The following RIT2 variants were observed in gnomAD, a reference collection of about 807,000 sequenced individuals.
The protein encoded by RIT2 is GTP-binding protein Rit2.
RIT2 carries 24 observed loss-of-function variants against 23.7 expected under a neutral mutation model. The ratio of observed to expected loss-of-function variants is 1.01; its 90% CI spans 0.73 to 1.43. RIT2 has a LOEUF of 1.43. Among genes scored for constraint, RIT2 ranks in the 40% most tolerant of loss-of-function variants. The pLI is 0.00. For synonymous variants in RIT2, 107 were observed against 91.1 expected (o/e 1.17, Z -0.99); for missense variants, 236 against 266.9 (o/e 0.88, Z 0.81).
chr18:42,791,709 C>T (rs546311236), intron 4 of RIT2, among the ~76,000 whole-genome samples: 5 of 152,234 alleles, frequency 3.3e-5, no homozygotes, highest in Non-Finnish European at 4.4e-5. Flanking sequence ...TTGTGGTAAA[C>T]GTTTGCTGAT....
intron 4 of RIT2, among the ~76,000 whole-genome samples, chr18:42,895,549 A>G (rs1051709408): frequency 6.6e-6 from 1 of 152,216 alleles, no homozygotes; most frequent in African/African-American, 2.4e-5. Context: ...TCAACATTAA[A>G]GTTACAGTAC....
intron 1 of RIT2, among the ~76,000 whole-genome samples, chr18:43,058,553 T>G (rs1872540400): frequency 6.6e-6 from 1 of 152,114 alleles, no homozygotes; most frequent in Non-Finnish European, 1.5e-5. Context: ...GAATCACTCA[T>G]AAACATCACA....
chr18:42,851,943 G>A (rs973597173), intron 4 of RIT2, among the ~76,000 whole-genome samples: 22 of 152,176 alleles, frequency 1.4e-4, no homozygotes, highest in African/African-American at 5.3e-4. Flanking sequence ...CTGAAGAGGC[G>A]ACAGTTTGCA....
intron 4 of RIT2, among the ~76,000 whole-genome samples, chr18:42,898,837 C>T (rs1304880451): frequency 6.6e-6 from 1 of 152,020 alleles, no homozygotes; most frequent in East Asian, 1.9e-4. Context: ...TAGACTCCTC[C>T]AATGTTTTCT....
At chr18:42,795,688 G>A (rs1905329434) in intron 4 of RIT2, among the ~76,000 whole-genome samples, 1 of 152,266 alleles carries the variant, frequency 6.6e-6, no homozygotes, top group Non-Finnish European at 1.5e-5. Context: ...AGCCAGCTGG[G>A]GTCCTGAGTC....
At chr18:43,060,920 A>G (rs183880956) in intron 1 of RIT2, among the ~76,000 whole-genome samples, 398 of 152,190 alleles carry the variant, frequency 2.6e-3, no homozygotes, top group Non-Finnish European at 4.8e-3. Context: ...GAGAGCAGAT[A>G]CCCCGTATTT....
intron 4 of RIT2, among the ~76,000 whole-genome samples, chr18:42,770,008 C>A: frequency 6.6e-6 from 1 of 151,802 alleles, no homozygotes; most frequent in East Asian, 1.9e-4. Context: ...ACAGTCGTGG[C>A]TGAGATTCCT....
chr18:42,814,856 A>T (rs1453346690), intron 4 of RIT2, among the ~76,000 whole-genome samples: 1 of 152,188 alleles, frequency 6.6e-6, no homozygotes, highest in African/African-American at 2.4e-5. Context: ...AGGTGCTGGT[A>T]TACCACCCCC....
intron 4 of RIT2, among the ~76,000 whole-genome samples, chr18:42,766,702 A>G (rs961715779): frequency 6.6e-6 from 1 of 152,224 alleles, no homozygotes; most frequent in African/African-American, 2.4e-5. Flanking sequence ...GCCATGTCAG[A>G]GACCTTCAGG....
At chr18:43,003,682 G>C (rs934198038) in intron 2 of RIT2, among the ~76,000 whole-genome samples, 2 of 151,170 alleles carry the variant, frequency 1.3e-5, no homozygotes, top group Admixed American at 6.6e-5. Context: ...TGGATGACTT[G>C]ATAGTAAAAC....
intron 2 of RIT2, among the ~76,000 whole-genome samples, chr18:42,990,279 G>A (rs1260119516): frequency 2.6e-5 from 4 of 152,010 alleles, no homozygotes; most frequent in African/African-American, 7.2e-5. Context: ...GCTTTTTAAG[G>A]TCTTCAATGG....
At chr18:42,991,236 A>T (rs895525682) in intron 2 of RIT2, among the ~76,000 whole-genome samples, 5 of 152,122 alleles carry the variant, frequency 3.3e-5, no homozygotes, top group Admixed American at 2.0e-4. Flanking sequence ...CGTGTATCCA[A>T]TGAAAATGTT....
Position 43,012,522 on chromosome 18 carries a change from G to A in RIT2, c.160+21289C>T, listed in dbSNP as rs547455164. 1.1e-4 allele frequency among the ~76,000 whole-genome samples: 16 copies of A among 151,654 alleles called. No homozygotes were observed. The South Asian group carries it at 1.7e-3, about 16-fold the overall frequency. On this transcript the variant is annotated intron_variant, in intron 2 of 4. Transcript: ENST00000326695. The stretch of plus-strand genomic sequence containing the variant: ...TTTTCACATTTCAGTTAAGTTTATG[G>A]AAATAGAAAGGGTAGTATCTGTATT...
chr18:42,873,314 G>T (rs1405214484), intron 4 of RIT2, among the ~76,000 whole-genome samples: 2 of 152,068 alleles, frequency 1.3e-5, no homozygotes, highest in African/African-American at 4.8e-5. Flanking sequence ...CCTTTATATA[G>T]TGGAAAAACA....
At chr18:42,964,206 T>A (rs1048802767) in intron 3 of RIT2, among the ~76,000 whole-genome samples, 1 of 151,164 alleles carries the variant, frequency 6.6e-6, no homozygotes, top group Non-Finnish European at 1.5e-5. Context: ...ATAATAATAA[T>A]AAATAAATAT....
chr18:42,772,527 A>G (rs921367421), intron 4 of RIT2, among the ~76,000 whole-genome samples: 1 of 151,904 alleles, frequency 6.6e-6, no homozygotes, highest in Non-Finnish European at 1.5e-5. Context: ...ATTGTGACAT[A>G]ATAAAAAATG....
chr18:43,050,072 G>A (rs1285303628), intron 1 of RIT2, among the ~76,000 whole-genome samples: 2 of 145,132 alleles, frequency 1.4e-5, no homozygotes, highest in Non-Finnish European at 3.0e-5. Flanking sequence ...TGTCTCCCAG[G>A]ATGGAGTACA....
chr18:43,011,668 G>A (rs1031942793), intron 2 of RIT2, among the ~76,000 whole-genome samples: 2 of 151,664 alleles, frequency 1.3e-5, no homozygotes, highest in Non-Finnish European at 2.9e-5. Flanking sequence ...TTCACTGATA[G>A]GAATTTGAAA....
chr18:42,925,628 A>G (rs1043520321), intron 3 of RIT2, among the ~76,000 whole-genome samples: 16 of 152,022 alleles, frequency 1.1e-4, no homozygotes, highest in African/African-American at 3.8e-4. Flanking sequence ...AACAAATACA[A>G]ATATTAGCAA....
Sources: allele counts gnomAD v4.1 joint callset (sites outside exome capture counted in the v4.1 genomes callset), GRCh38; gene constraint gnomAD v4.1.1; transcripts MANE v1.5; gene names NCBI Gene and HGNC (gene_info 2026-07-23, HGNC 2026-07-21).